The following CCNP variants were observed in gnomAD, a reference collection of about 807,000 sequenced individuals.
The protein encoded by CCNP is cyclin P.
CCNP carries 18 observed loss-of-function variants against 19.6 expected under a neutral mutation model. The ratio of observed to expected loss-of-function variants is 0.92; its 90% CI spans 0.64 to 1.36. CCNP has a LOEUF of 1.36. Among genes scored for constraint, CCNP ranks in the 40% most tolerant of loss-of-function variants. The pLI is 0.00. For missense variants in CCNP, 440 were observed against 424.4 expected (o/e 1.04, Z -0.32); for synonymous variants, 228 against 194.9 (o/e 1.17, Z -1.41).
chr19:40,225,684 C>T (rs1371203196), intron 1 of CCNP, among the ~76,000 whole-genome samples: 6 of 152,248 alleles, frequency 3.9e-5, no homozygotes, highest in Non-Finnish European at 5.9e-5. Flanking sequence ...TCGACCTTTC[C>T]GTCATTCAGC....
chr19:40,223,329 A>G (rs1568500985), intron 4 of CCNP, 26 bp from the exon 5 acceptor site: 1 of 1,498,998 alleles, frequency 6.7e-7, no homozygotes. Flanking sequence ...GGCGACTGTC[A>G]GGCCACGCCC....
At position 40,222,377 on chromosome 19, in the gene CCNP, C is replaced by A; in HGVS notation, c.*675G>T. The A allele has an allele frequency of 2.5e-6, 1 of 398,988 alleles. No individual in the cohort carries two copies. Among genetic ancestry groups the A allele is most frequent in the Non-Finnish European group, 4.4e-6 (1 of 226,050 alleles). The allele number at this position is 398,988 out of a possible 1,614,324, so 24.7% of individuals were successfully genotyped here. A position where few individuals can be genotyped will look rare whatever the true frequency, so the allele number is the denominator to read the frequency against. On this transcript the variant is annotated 3_prime_UTR_variant, in exon 5 of 5. Coordinates refer to ENST00000430325, the MANE Select transcript of CCNP (RefSeq NM_024877.4). ...AAGGCTGGTCCCCTGGCGCTGGGGC[C>A]GCGCATACTTGAGGAAGACTGCGGC...
chr19:40,224,706 C>T lies in CCNP; in HGVS notation c.357+16G>A. The T allele has an allele frequency of 6.3e-7, 1 of 1,599,802 alleles. No homozygotes were observed. The highest frequency in any genetic ancestry group is 1.8e-5 in the Admixed American group (1 of 55,570). On this transcript the variant is annotated intron_variant, in intron 2 of 4. Transcript: ENST00000430325. ...GCGACGCAAACTCAGCCCCCCACAC[C>T]CTTCCAGATACCTACGTGCACCTGG...
In CCNP at chr19:40,222,939, A is replaced by T; in HGVS notation, c.*113T>A. 1.6e-6 allele frequency: 1 copy of T among 624,934 alleles called. No homozygotes were observed. The highest frequency in any genetic ancestry group is 2.8e-6 in the Non-Finnish European group (1 of 360,044). The allele number at this position is 624,934 out of a possible 1,614,324, so 38.7% of individuals were successfully genotyped here. A position where few individuals can be genotyped will look rare whatever the true frequency, so the allele number is the denominator to read the frequency against. On this transcript the variant is annotated 3_prime_UTR_variant, in exon 5 of 5. Transcript: ENST00000430325. ...TAGGAGCATCTTCTGGGCCTGGGAG[A>T]CTATCTTCCACTCTGGGGCAAGGTT... is the stretch of plus-strand genomic sequence containing the variant.
At chr19:40,226,125 A>C (rs1486073524) in intron 1 of CCNP, among the ~76,000 whole-genome samples, 1 of 152,266 alleles carries the variant, frequency 6.6e-6, no homozygotes, top group Non-Finnish European at 1.5e-5. Context: ...GTGGAGGACA[A>C]GTACAGGGGA....
Position 40,224,516 on chromosome 19 carries a change from C to G in CCNP, c.485G>C (p.Cys162Ser). The change falls in exon 3 of 5, where the codon TGC (cysteine) becomes TCC (serine). Residue 162 changes from cysteine (C) to serine (S), a missense_variant. Coordinates refer to ENST00000430325, the MANE Select transcript of CCNP (RefSeq NM_024877.4). ...LLGVACLFVA[C>S]KMEECVLPEP... ...GGGAAGCACGCACTCTTCCATTTTG[C>G]ACGCCACAAACAGGCAAGCCACGCC... 2 of 1,614,194 alleles carry G rather than the reference C, an allele frequency of 1.2e-6. No individual in the cohort carries two copies. Among genetic ancestry groups the G allele is most frequent in the Non-Finnish European group, 1.7e-6 (2 of 1,180,038 alleles).
chr19:40,224,889 C>G (rs905096506), intron 1 of CCNP, 78 bp from the exon 2 acceptor site: 10 of 1,257,084 alleles, frequency 8.0e-6, no homozygotes, highest in Non-Finnish European at 1.1e-5. Context: ...CTGGATGCAG[C>G]AGCCTCCTCC....
In CCNP at chr19:40,223,544, G is replaced by T; in HGVS notation, c.516C>A (p.Pro172=). 6.3e-7 allele frequency: 1 copy of T among 1,597,846 alleles called. No homozygotes were observed. Among genetic ancestry groups the T allele is most frequent in the South Asian group, 1.1e-5 (1 of 89,744 alleles). ...CKMEECVLPE[P]AFLCLLSADS... ...CCGCGCTCAGGAGGCAGAGGAAGGC[G>T]GGCTGCAGATGGGGGATGCGGGGGG... Residue 172 remains proline (P), a splice_region_variant and synonymous_variant, in exon 4 of 5, where the codon CCC becomes CCA. Transcript: ENST00000430325.
intron 1 of CCNP, among the ~76,000 whole-genome samples, chr19:40,225,897 A>G (rs1318867137): frequency 6.6e-6 from 1 of 152,296 alleles, no homozygotes; most frequent in African/African-American, 2.4e-5. Context: ...AGTCGCAGGC[A>G]AGACGTTCAA....
chr19:40,224,719 T>A lies in CCNP; in HGVS notation c.357+3A>T, dbSNP rs777426574. 1 of 1,580,568 alleles carries A rather than the reference T, an allele frequency of 6.3e-7. No homozygotes were observed. ...AGCCCCCCACACCCTTCCAGATACC[T>A]ACGTGCACCTGGACCAGCCAGTCTA... On this transcript the variant is annotated splice_donor_region_variant and intron_variant, in intron 2 of 4. Coordinates refer to ENST00000430325, the MANE Select transcript of CCNP (RefSeq NM_024877.4).
In CCNP at chr19:40,222,777, G is replaced by A; in HGVS notation, c.*275C>T. The A allele has an allele frequency of 4.4e-6, 2 of 449,502 alleles. No individual in the cohort carries two copies. The highest frequency in any genetic ancestry group is 7.8e-6 in the Non-Finnish European group (2 of 256,676). The allele number at this position is 449,502 out of a possible 1,614,324, so 27.8% of individuals were successfully genotyped here. A position where few individuals can be genotyped will look rare whatever the true frequency, so the allele number is the denominator to read the frequency against. ...TCTATGCTGGGTGCACAGGCTGAGG[G>A]AAACCATGGTTCGCCCTGCCACCTG... On this transcript the variant is annotated 3_prime_UTR_variant, in exon 5 of 5. Coordinates refer to ENST00000430325, the MANE Select transcript of CCNP (RefSeq NM_024877.4).
Position 40,224,547 on chromosome 19 carries a change from G to C in CCNP, c.454C>G (p.Leu152Val). 3 of 1,614,226 alleles carry C rather than the reference G, an allele frequency of 1.9e-6. No homozygotes were observed. The highest frequency in any genetic ancestry group is 2.5e-6 in the Non-Finnish European group (3 of 1,180,046). ...AGRVRLHRLQ[L>V]LGVACLFVAC... ...ACAAACAGGCAAGCCACGCCCAGCA[G>C]CTGCAGGCGATGTAGACGCACGCGG... The change falls in exon 3 of 5, where the codon CTG becomes GTG. Residue 152 changes from leucine to valine, a missense_variant. Coordinates refer to ENST00000430325, the MANE Select transcript of CCNP (RefSeq NM_024877.4).
At chr19:40,223,601 C>T in intron 3 of CCNP, 55 bp from the exon 4 acceptor site, 3 of 1,602,666 alleles carry the variant, frequency 1.9e-6, no homozygotes, top group Non-Finnish European at 2.6e-6. Context: ...GGGCTCTTTA[C>T]TCCCTGCCCT....
At position 40,226,410 on chromosome 19, in the gene CCNP, G is replaced by T. The variant is rs1460624501; in HGVS notation, c.232C>A (p.Arg78Ser). Residue 78 changes from arginine to serine, a missense_variant, in exon 1 of 5, where the codon CGC becomes AGC. Physicochemically the swap from Arg to Ser is moderately radical, Grantham distance 110. Coordinates refer to ENST00000430325, the MANE Select transcript of CCNP (RefSeq NM_024877.4). ...ALSALGLQGE[R>S]EYAGDIFAEV... Reference sequence around the variant, plus strand: ...GCGAAGATGTCCCCGGCGTACTCGCGTTCTCCCTGCAGCCCCAGCGCGCTC... The same window carrying T: ...GCGAAGATGTCCCCGGCGTACTCGCTTTCTCCCTGCAGCCCCAGCGCGCTC... 6.2e-7 allele frequency: 1 copy of T among 1,607,906 alleles called. No homozygotes were observed. Among genetic ancestry groups the T allele is most frequent in the Admixed American group, 1.7e-5 (1 of 59,992 alleles).
At chr19:40,225,924 G>A (rs1359389270) in intron 1 of CCNP, among the ~76,000 whole-genome samples, 1 of 152,184 alleles carries the variant, frequency 6.6e-6, no homozygotes, top group Non-Finnish European at 1.5e-5. Flanking sequence ...CCTCCCTTCA[G>A]TCTTCCTTCC....
intron 2 of CCNP, 37 bp downstream of exon 2, chr19:40,224,685 C>T: frequency 3.1e-6 from 5 of 1,611,656 alleles, no homozygotes; most frequent in African/African-American, 1.3e-5. Context: ...TGGGCGGCGA[C>T]GCAAACTCAG....
chr19:40,223,273 G>C lies in CCNP; in HGVS notation c.703C>G (p.Leu235Val). The change falls in exon 5 of 5, where the codon CTG (leucine) becomes GTG (valine). Residue 235 changes from leucine (L) to valine (V), a missense_variant. Physicochemically the swap from Leu to Val is conservative, Grantham distance 32 (BLOSUM62 1). Coordinates refer to ENST00000430325, the MANE Select transcript of CCNP (RefSeq NM_024877.4). ...GCCGCCTCGGCCTCCAGCAAAGACA[G>C]CTCCAGGAAGTAGGTGGCAAGTAAC... The part of the protein sequence containing the change: ...VMLLATYFLE[L>V]SLLEAEAAGW... 6.5e-7 allele frequency: 1 copy of C among 1,533,412 alleles called. No individual in the cohort carries two copies. 95.0% of individuals were successfully genotyped at this position (1,533,412 alleles called of 1,614,324 possible).
At position 40,223,322 on chromosome 19, in the gene CCNP, G is replaced by T; in HGVS notation, c.673-19C>A. ...ACATCACCTGCAAGTGAGGCGGGGC[G>T]ACTGTCAGGCCACGCCCCACTTCGC... On this transcript the variant is annotated intron_variant, in intron 4 of 4. Transcript: ENST00000430325. 6.6e-7 allele frequency: 1 copy of T among 1,504,900 alleles called. No individual in the cohort carries two copies. Among genetic ancestry groups the T allele is most frequent in the Non-Finnish European group, 8.9e-7 (1 of 1,122,218 alleles). The allele number at this position is 1,504,900 out of a possible 1,614,324, so 93.2% of individuals were successfully genotyped here.
Position 40,223,409 on chromosome 19 carries a change from C to T in CCNP, c.651G>A (p.Ala217=), listed in dbSNP as rs771203685. 1.5e-5 allele frequency: 23 copies of T among 1,576,696 alleles called. No homozygotes were observed. The East Asian group carries it at 5.1e-4, about 35-fold the overall frequency. The change falls in exon 4 of 5, where the codon GCG becomes GCA. Residue 217 remains alanine (A), a synonymous_variant. Coordinates refer to ENST00000430325, the MANE Select transcript of CCNP (RefSeq NM_024877.4). Reference sequence around the variant, plus strand: ...TCACCTGGGGGCTGCTCCCTGCCAGCGCGGCCAGCAGCCCGAGGCACAGCA... The same window carrying T: ...TCACCTGGGGGCTGCTCCCTGCCAGTGCGGCCAGCAGCCCGAGGCACAGCA... ...GPLLCLGLLA[A]LAGSSPQVML...
Sources: allele counts gnomAD v4.1 joint callset (sites outside exome capture counted in the v4.1 genomes callset), GRCh38; gene constraint gnomAD v4.1.1; transcripts MANE v1.5; gene names NCBI Gene and HGNC (gene_info 2026-07-23, HGNC 2026-07-21).